The following SAMD5 variants were observed in gnomAD, a reference collection of about 807,000 sequenced individuals.
SAMD5 encodes sterile alpha motif domain-containing protein 5.
Under a neutral mutation model 11.3 loss-of-function variants are expected in SAMD5, and 13 were observed. The observed-to-expected ratio is 1.15, with a 90% CI of 0.75 to 1.83. The LOEUF (loss-of-function observed/expected upper bound fraction) is 1.83. SAMD5 is among the 40% of genes most tolerant of loss of function. The probability of loss-of-function intolerance (pLI) is 0.00; values close to 1 mark genes in which losing one functional copy is unlikely to be tolerated. For synonymous variants in SAMD5, 129 were observed against 111.3 expected (o/e 1.16, Z -1.00); for missense variants, 255 against 239.1 (o/e 1.07, Z -0.44).
intron 1 of SAMD5, among the ~76,000 whole-genome samples, chr6:147,714,354 C>G (rs1562358188): frequency 6.6e-6 from 1 of 152,308 alleles, no homozygotes; most frequent in East Asian, 1.9e-4. Context: ...AAATCATGCA[C>G]TCTGTGGGAA....
chr6:147,613,415 C>A (rs553574316), intron 1 of SAMD5, among the ~76,000 whole-genome samples: 1 of 151,828 alleles, frequency 6.6e-6, no homozygotes, highest in East Asian at 1.9e-4. Context: ...TCTGGCTAGT[C>A]GAGACTCAGC....
the SAMD5 span, among the ~76,000 whole-genome samples, chr6:147,879,042 T>C: frequency 3.9e-5 from 6 of 152,222 alleles, no homozygotes; most frequent in Admixed American, 3.3e-4. Context: ...AAGGAAGGAC[T>C]TGGATATTGA....
chr6:147,590,074 A>T (rs1331587592), intron 1 of SAMD5, among the ~76,000 whole-genome samples: 1 of 152,196 alleles, frequency 6.6e-6, no homozygotes, highest in Non-Finnish European at 1.5e-5. Flanking sequence ...TTCAAATAAG[A>T]TGCAAATATG....
At chr6:147,721,823 T>A (rs1407640392) in intron 1 of SAMD5, among the ~76,000 whole-genome samples, 1 of 152,210 alleles carries the variant, frequency 6.6e-6, no homozygotes, top group Non-Finnish European at 1.5e-5. Flanking sequence ...ATTTCCTCAA[T>A]ATAGTTTATA....
intron 1 of SAMD5, 132 bp downstream of exon 1, chr6:147,509,519 CT>C: frequency 2.9e-6 from 2 of 695,164 alleles, no homozygotes; most frequent in Non-Finnish European, 4.5e-6. Context: ...ATCTGGGACC[CT>C]TTTCTATGTT....
the SAMD5 span, among the ~76,000 whole-genome samples, chr6:147,946,296 CTG>C: frequency 2.0e-5 from 3 of 152,172 alleles, no homozygotes; most frequent in African/African-American, 4.8e-5. Context: ...TTCTCCTAGA[CTG>C]TGAGCTACTT....
At chr6:147,877,899 A>AGC in the SAMD5 span, among the ~76,000 whole-genome samples, 537 of 95,474 alleles carry the variant, frequency 5.6e-3, 4 homozygotes, top group African/African-American at 0.012. Flanking sequence ...AGATAGCTAG[A>AGC]TAGATAGATA....
chr6:147,564,276 A>G (rs1788999893), intron 1 of SAMD5, 118 bp from the exon 2 acceptor site: 2 of 666,520 alleles, frequency 3.0e-6, no homozygotes, highest in East Asian at 2.7e-5. Flanking sequence ...TCAAAAGTCC[A>G]TGTGGTAAGC....
intron 1 of SAMD5, among the ~76,000 whole-genome samples, chr6:147,723,651 G>T (rs1302020493): frequency 6.6e-6 from 1 of 152,004 alleles, no homozygotes; most frequent in Admixed American, 6.5e-5. Flanking sequence ...TTTTTTAATT[G>T]TGATGCTAAC....
At chr6:147,885,639 T>C in the SAMD5 span, among the ~76,000 whole-genome samples, 2 of 152,060 alleles carry the variant, frequency 1.3e-5, no homozygotes, top group Admixed American at 1.3e-4. Flanking sequence ...AAAAAGAGAC[T>C]GTAAAAAAGC....
intron 1 of SAMD5, among the ~76,000 whole-genome samples, chr6:147,633,648 A>G (rs974707880): frequency 4.6e-5 from 7 of 151,838 alleles, no homozygotes; most frequent in East Asian, 3.9e-4. Flanking sequence ...AAAGTATTGA[A>G]CCCAATCTGG....
At chr6:147,861,772 CA>C in the SAMD5 span, among the ~76,000 whole-genome samples, 1 of 152,096 alleles carries the variant, frequency 6.6e-6, no homozygotes, top group African/African-American at 2.4e-5. Flanking sequence ...CCTTAAAGCC[CA>C]AGGGAAAATA....
At chr6:147,830,119 A>G in the SAMD5 span, among the ~76,000 whole-genome samples, 1 of 152,008 alleles carries the variant, frequency 6.6e-6, no homozygotes, top group Middle Eastern at 3.2e-3. Flanking sequence ...AATATTGGAG[A>G]GAGAAAAAAA....
At chr6:147,675,400 A>G (rs1790848463) in intron 1 of SAMD5, among the ~76,000 whole-genome samples, 1 of 152,184 alleles carries the variant, frequency 6.6e-6, no homozygotes, top group Non-Finnish European at 1.5e-5. Flanking sequence ...TACCTTGCCA[A>G]GTGAATACCT....
the SAMD5 span, among the ~76,000 whole-genome samples, chr6:147,844,874 G>A: frequency 6.6e-6 from 1 of 152,162 alleles, no homozygotes; most frequent in African/African-American, 2.4e-5. Flanking sequence ...AAGGGAAGAT[G>A]TTGGTCGATA....
chr6:147,889,055 T>C, the SAMD5 span, among the ~76,000 whole-genome samples: 1 of 152,214 alleles, frequency 6.6e-6, no homozygotes, highest in South Asian at 2.1e-4. Context: ...GGCCACTTTT[T>C]CTTCAAATAC....
intron 1 of SAMD5, among the ~76,000 whole-genome samples, chr6:147,672,411 A>G (rs1332542445): frequency 6.6e-6 from 1 of 152,146 alleles, no homozygotes; most frequent in African/African-American, 2.4e-5. Flanking sequence ...TAAAGAGAAA[A>G]TGCTTCTCCA....
chr6:147,780,394 G>C, the SAMD5 span, among the ~76,000 whole-genome samples: 13 of 151,982 alleles, frequency 8.6e-5, no homozygotes, highest in African/African-American at 2.9e-4. Flanking sequence ...TTTTAGTAGG[G>C]ACAGGATTTC....
At chr6:147,612,550 A>G (rs1350231204) in intron 1 of SAMD5, among the ~76,000 whole-genome samples, 4 of 152,168 alleles carry the variant, frequency 2.6e-5, no homozygotes, top group South Asian at 2.1e-4. Flanking sequence ...TTCCTCCTCC[A>G]TTAGTGTTCT....
Sources: gnomAD v4.1 joint callset for allele counts (sites outside exome capture counted in the v4.1 genomes callset) on GRCh38, gnomAD v4.1.1 for gene constraint, MANE v1.5 for transcripts, NCBI Gene and HGNC (gene_info 2026-07-23, HGNC 2026-07-21) for gene names.